XRCC5: variants seen among roughly 807,000 people sequenced by gnomAD.
XRCC5 encodes DNA repair protein Ku80.
XRCC5 carries 12 observed loss-of-function variants against 95.7 expected under a neutral mutation model. That is an observed-to-expected ratio of 0.13 (90% CI 0.08 to 0.20). The LOEUF (loss-of-function observed/expected upper bound fraction) is 0.20. XRCC5 is among the 10% of genes least tolerant of loss of function. The pLI is 1.00. For synonymous variants in XRCC5, 281 were observed against 290.3 expected, an observed-to-expected ratio of 0.97 and a Z score of 0.33; for missense variants, 595 against 873.9, an observed-to-expected ratio of 0.68 and a Z score of 4.02.
At chr2:216,126,737 C>T (rs983390553) in intron 7 of XRCC5, among the ~76,000 whole-genome samples, 15 of 152,082 alleles carry the variant, frequency 9.9e-5, no homozygotes, top group Admixed American at 9.8e-4. Context: ...GAACTTAATT[C>T]CAAAATACAT....
At chr2:216,201,785 T>G (rs1689837798) in intron 19 of XRCC5, among the ~76,000 whole-genome samples, 1 of 152,214 alleles carries the variant, frequency 6.6e-6, no homozygotes, top group African/African-American at 2.4e-5. Flanking sequence ...AGTTCTCTGC[T>G]CTATCTTGCT....
At chr2:216,112,350 C>T (rs1472340968) in intron 1 of XRCC5, among the ~76,000 whole-genome samples, 3 of 152,214 alleles carry the variant, frequency 2.0e-5, no homozygotes, top group Non-Finnish European at 4.4e-5. Context: ...GCTCTGGTAT[C>T]CCCTCCACCA....
chr2:216,169,698 T>C (rs1689119298), intron 16 of XRCC5, among the ~76,000 whole-genome samples: 1 of 151,982 alleles, frequency 6.6e-6, no homozygotes, highest in Non-Finnish European at 1.5e-5. Flanking sequence ...ATGATACCTA[T>C]TTTAAAATTA....
chr2:216,160,406 G>GAAC (rs1253982006), intron 15 of XRCC5, among the ~76,000 whole-genome samples: 1 of 152,112 alleles, frequency 6.6e-6, no homozygotes, highest in East Asian at 1.9e-4. Flanking sequence ...ATAGAACGTG[G>GAAC]AACATCTCAG....
At chr2:216,132,290 T>C in intron 9 of XRCC5, 35 bp from the exon 10 acceptor site, 1 of 1,602,328 alleles carries the variant, frequency 6.2e-7, no homozygotes, top group Admixed American at 1.7e-5. Context: ...TGTTACTTAT[T>C]TTGGATCAAA....
chr2:216,127,626 TTAAATG>T lies in XRCC5; in HGVS notation c.890_895del (p.Leu297_Asp299delinsTyr). ...TATACAAAAAGAAACAGTTTATTGC[TTAAATG>T]ATGATGATGAAACTGAAGTTTTAAA... On this transcript the variant is annotated inframe_deletion, in exon 8 of 21. Coordinates refer to ENST00000392132, the MANE Select transcript of XRCC5 (RefSeq NM_021141.4). The T allele has an allele frequency of 6.2e-7, 1 of 1,611,696 alleles. No individual in the cohort carries two copies. The highest frequency in any genetic ancestry group is 8.5e-7 in the Non-Finnish European group (1 of 1,179,274).
At chr2:216,157,955 A>G (rs891485052) in intron 14 of XRCC5, among the ~76,000 whole-genome samples, 3 of 152,174 alleles carry the variant, frequency 2.0e-5, no homozygotes, top group South Asian at 4.1e-4. Context: ...GTGTATGCAA[A>G]ATTCCTAATA....
intron 3 of XRCC5, chr2:216,117,472 T>C (rs1002065004): frequency 1.1e-5 from 5 of 454,812 alleles, no homozygotes; most frequent in Non-Finnish European, 2.0e-5. Flanking sequence ...TTCTAGATAC[T>C]ATTAAATGAC....
At chr2:216,138,053 A>C (rs765247028) in intron 11 of XRCC5, 36 bp from the exon 12 acceptor site, 17 of 1,516,310 alleles carry the variant, frequency 1.1e-5, no homozygotes, top group Non-Finnish European at 1.4e-5. Flanking sequence ...CATTAATTTC[A>C]TCGTTTCTGC....
At chr2:216,124,730 C>A (rs998015968) in intron 6 of XRCC5, among the ~76,000 whole-genome samples, 2 of 152,146 alleles carry the variant, frequency 1.3e-5, no homozygotes, top group African/African-American at 4.8e-5. Context: ...CTTTGTAGAT[C>A]TGTTTTTTAT....
intron 13 of XRCC5, among the ~76,000 whole-genome samples, chr2:216,144,141 A>G (rs543253073): frequency 6.6e-6 from 1 of 152,228 alleles, no homozygotes; most frequent in Non-Finnish European, 1.5e-5. Context: ...CAAGTGGGTG[A>G]CTTAGGGAAG....
At chr2:216,157,605 T>G (rs1434756852) in intron 14 of XRCC5, among the ~76,000 whole-genome samples, 1 of 152,252 alleles carries the variant, frequency 6.6e-6, no homozygotes, top group African/African-American at 2.4e-5. Context: ...ATATGTATAC[T>G]TCAATTTTTA....
chr2:216,117,616 T>A, intron 3 of XRCC5, 130 bp from the exon 4 acceptor site: 1 of 795,946 alleles, frequency 1.3e-6, no homozygotes, highest in Non-Finnish European at 2.1e-6. Flanking sequence ...AGAAGGGCAC[T>A]CAGGCAAGTA....
Position 216,169,232 on chromosome 2 carries a change from A to G in XRCC5, c.1834+7184A>G, listed in dbSNP as rs13416495. On this transcript the variant is annotated intron_variant, in intron 16 of 20. Transcript: ENST00000392132. ...ATGAATATTCATGAAGGTGGTCCTG[A>G]TGCATGAGTATTAAACATGCATGTT... Among the ~76,000 whole-genome samples the G allele has an allele frequency of 3.6e-3, 554 of 152,382 alleles. 4 individuals are homozygous for G. Among genetic ancestry groups the G allele is most frequent in the Non-Finnish European group, 6.3e-3 (429 of 68,042 alleles).
At chr2:216,113,155 T>C in intron 2 of XRCC5, 26 bp downstream of exon 2, 1 of 1,591,368 alleles carries the variant, frequency 6.3e-7, no homozygotes, top group South Asian at 1.1e-5. Context: ...ACACTGAGCT[T>C]GTAACCCATG....
chr2:216,118,176 G>T (rs1263168914), intron 4 of XRCC5, among the ~76,000 whole-genome samples: 23 of 140,676 alleles, frequency 1.6e-4, no homozygotes, highest in African/African-American at 4.1e-4. Context: ...GTTTTTTGTT[G>T]TTTTTTTTTT....
intron 8 of XRCC5, 155 bp from the exon 9 acceptor site, chr2:216,130,720 T>G: frequency 1.9e-6 from 1 of 535,486 alleles, no homozygotes. Context: ...TTTTTCACCA[T>G]TGATCACAAG....
chr2:216,185,383 G>A (rs1001811397), intron 16 of XRCC5, among the ~76,000 whole-genome samples: 3 of 152,150 alleles, frequency 2.0e-5, no homozygotes, highest in Admixed American at 6.5e-5. Context: ...CTTTTGATAC[G>A]TTTCTTAAAT....
chr2:216,149,609 C>CTA (rs916371269), intron 14 of XRCC5, among the ~76,000 whole-genome samples: 6 of 125,448 alleles, frequency 4.8e-5, no homozygotes, highest in Admixed American at 2.2e-4. Context: ...GCTATTCTCT[C>CTA]TCTGTGTGTT....
Sources: allele counts gnomAD v4.1 joint callset (sites outside exome capture counted in the v4.1 genomes callset), GRCh38; gene constraint gnomAD v4.1.1; transcripts MANE v1.5; gene names NCBI Gene and HGNC (gene_info 2026-07-23, HGNC 2026-07-21).